The following ANO5 variants were observed in gnomAD, a reference collection of about 807,000 sequenced individuals.
ANO5 encodes anoctamin 5.
ANO5 carries 109 observed loss-of-function variants against 121.0 expected under a neutral mutation model. That is an observed-to-expected ratio of 0.90 (90% CI 0.77 to 1.06). The LOEUF is 1.06. ANO5 is among the 50% of genes least tolerant of loss of function. The pLI, the probability that ANO5 is intolerant of heterozygous loss-of-function variation, is 0.00. For synonymous variants in ANO5, 406 were observed against 359.9 expected (o/e 1.13, Z -1.45); for missense variants, 1,064 against 1,078.5 (o/e 0.99, Z 0.19).
intron 12 of ANO5, among the ~76,000 whole-genome samples, chr11:22,251,435 G>C (rs540745582): frequency 6.6e-6 from 1 of 152,246 alleles, no homozygotes; most frequent in East Asian, 1.9e-4. Flanking sequence ...TCTAGTTACA[G>C]TTACCACTTC....
chr11:22,266,196 G>C (rs1018589210), intron 17 of ANO5, among the ~76,000 whole-genome samples: 2 of 152,112 alleles, frequency 1.3e-5, no homozygotes, highest in African/African-American at 2.4e-5. Context: ...GGGGATTGAA[G>C]AATTTATAAA....
In ANO5 at chr11:22,260,198, A is replaced by C. The variant is rs545519343; in HGVS notation, c.1630+457A>C. Among the ~76,000 whole-genome samples the C allele has an allele frequency of 2.0e-5, 3 of 152,250 alleles. No individual in the cohort carries two copies. In the South Asian group the frequency reaches 6.2e-4, roughly 32 times the overall value. On this transcript the variant is annotated intron_variant, in intron 15 of 21. Transcript: ENST00000324559. Reference sequence around the variant, plus strand: ...TTTCTTTTCTACTGCTATCTCTTAGAATTTGGAATATTTTCTTGTTAAAAT... The same window carrying C: ...TTTCTTTTCTACTGCTATCTCTTAGCATTTGGAATATTTTCTTGTTAAAAT...
rs1590209518 is a variant in ANO5, at chr11:22,198,620, A to G, written c.40+5088A>G. 4.6e-5 allele frequency among the ~76,000 whole-genome samples: 7 copies of G among 152,328 alleles called. No individual in the cohort carries two copies. The East Asian group carries it at 1.3e-3, about 29-fold the overall frequency. On this transcript the variant is annotated intron_variant, in intron 1 of 21. Transcript: ENST00000324559. The stretch of plus-strand genomic sequence containing the variant: ...AGGGGCTAGTGTTTGCAGTTTTTCA[A>G]CTTTCTTTTTGTAAAAATAGAATTG...
intron 1 of ANO5, among the ~76,000 whole-genome samples, chr11:22,198,849 G>A (rs1455030124): frequency 1.3e-5 from 2 of 152,090 alleles, no homozygotes; most frequent in African/African-American, 4.8e-5. Flanking sequence ...TCTATTCACT[G>A]TAAAGCCATT....
intron 9 of ANO5, 134 bp downstream of exon 9, chr11:22,239,818 AAATT>A: frequency 1.4e-6 from 1 of 693,684 alleles, no homozygotes; most frequent in Admixed American, 2.2e-5. Flanking sequence ...TCTACACTAT[AAATT>A]AGCAATTCAT....
At chr11:22,210,306 G>T (rs1198261087) in intron 2 of ANO5, among the ~76,000 whole-genome samples, 1 of 136,600 alleles carries the variant, frequency 7.3e-6, no homozygotes, top group Admixed American at 6.8e-5. Context: ...AGAACACAGA[G>T]AAATTACTGC....
intron 1 of ANO5, among the ~76,000 whole-genome samples, chr11:22,196,307 A>G (rs1034169538): frequency 2.0e-5 from 3 of 152,052 alleles, no homozygotes; most frequent in Non-Finnish European, 4.4e-5. Context: ...TAGGAACCCA[A>G]TTCTAATGTA....
At position 22,257,708 on chromosome 11, in the gene ANO5, C is replaced by T. The variant is rs148698633; in HGVS notation, c.1361C>T (p.Thr454Met). The T allele has an allele frequency of 4.8e-5, 78 of 1,612,456 alleles. No individual in the cohort carries two copies. In the East Asian group the frequency reaches 7.6e-4, roughly 16 times the overall value. Reference protein sequence around the residue: ...KEMEPYMPLYTRIPWYFLSGA... With the variant: ...KEMEPYMPLYMRIPWYFLSGA... ...ATGGAACCTTACATGCCTCTATACA[C>T]GCGTATTCCATGGTACTTTCTTTCA... Residue 454 changes from threonine (T) to methionine (M), a missense_variant, in exon 14 of 22, where the codon ACG (threonine) becomes ATG (methionine). By Grantham distance (81) the Thr-to-Met change is moderately conservative. Transcript: ENST00000324559.
chr11:22,226,076 C>T (rs765819272), intron 6 of ANO5, 24 bp downstream of exon 6: 2 of 1,559,278 alleles, frequency 1.3e-6, no homozygotes, highest in South Asian at 1.1e-5. Context: ...ATAATTTATA[C>T]AAGCCTCTTT....
intron 20 of ANO5, 80 bp from the exon 21 acceptor site, chr11:22,276,010 GAAAT>G (rs1223309393): frequency 1.1e-6 from 1 of 933,338 alleles, no homozygotes; most frequent in African/African-American, 1.7e-5. Context: ...TCTGTTAAGA[GAAAT>G]AAGAAATTAT....
intron 17 of ANO5, 121 bp from the exon 18 acceptor site, chr11:22,270,191 C>A: frequency 1.5e-6 from 2 of 1,310,118 alleles, no homozygotes; most frequent in Non-Finnish European, 2.1e-6. Flanking sequence ...TTTCTCTTTG[C>A]TCTGTGATCT....
In ANO5 at chr11:22,218,566, T is replaced by C. The variant is rs4543996; in HGVS notation, c.180+279T>C. ...TCTCATCAGGAATGCAGGGTTTTAT[T>C]TTGTTTTGTTTTCACACAGAGTCTT... is the stretch of plus-strand genomic sequence containing the variant. On this transcript the variant is annotated intron_variant, in intron 4 of 21. Coordinates refer to ENST00000324559, the MANE Select transcript of ANO5 (RefSeq NM_213599.3). 0.69 allele frequency among the ~76,000 whole-genome samples: 104,964 copies of C among 151,858 alleles called. 37,820 individuals carry two copies. Among genetic ancestry groups the C allele is most frequent in the Non-Finnish European group, 0.81 (54,862 of 67,900 alleles).
intron 13 of ANO5, 94 bp from the exon 14 acceptor site, chr11:22,257,586 T>G: frequency 9.7e-7 from 1 of 1,032,242 alleles, no homozygotes; most frequent in South Asian, 1.3e-5. Flanking sequence ...GGGAGACTCC[T>G]ACTTTAACTG....
chr11:22,282,582 G>T lies in ANO5; in HGVS notation c.*2817G>T, dbSNP rs1409630565. 1 of 152,132 alleles carries T rather than the reference G, an allele frequency of 6.6e-6. No individual in the cohort carries two copies. The highest frequency in any genetic ancestry group is 6.5e-5 in the Admixed American group (1 of 15,282). 9.4% of individuals were successfully genotyped at this position (152,132 alleles called of 1,614,324 possible). ...CTTATGAATCCTGTGTGTTTCTTTGGAAGAAAGAGCTGTTCCGAGGAAGTT... is the reference window on the plus strand; with the variant it reads ...CTTATGAATCCTGTGTGTTTCTTTGTAAGAAAGAGCTGTTCCGAGGAAGTT... On this transcript the variant is annotated 3_prime_UTR_variant, in exon 22 of 22. Transcript: ENST00000324559.
At chr11:22,202,025 G>T (rs75135857) in intron 1 of ANO5, among the ~76,000 whole-genome samples, 1 of 152,030 alleles carries the variant, frequency 6.6e-6, no homozygotes, top group African/African-American at 2.4e-5. Context: ...ACTTAAGAGC[G>T]TGAAAGGGTG....
intron 12 of ANO5, among the ~76,000 whole-genome samples, chr11:22,252,029 CAAAAAAAAAAAAAAAA>C (rs10525160): frequency 5.0e-4 from 23 of 45,858 alleles, no homozygotes; most frequent in Middle Eastern, 0.028. Context: ...GACGCCGTCT[CAAAAAAAAAAAAAAAA>C]AAAAAAAAAA....
chr11:22,236,749 C>T (rs955368449), intron 8 of ANO5, among the ~76,000 whole-genome samples: 1 of 152,138 alleles, frequency 6.6e-6, no homozygotes, highest in African/African-American at 2.4e-5. Context: ...TGAATCCAAG[C>T]TCATAGACTA....
intron 12 of ANO5, among the ~76,000 whole-genome samples, chr11:22,252,657 TA>T (rs1853866864): frequency 6.6e-6 from 1 of 152,214 alleles, no homozygotes; most frequent in Non-Finnish European, 1.5e-5. Flanking sequence ...ATCTCATTCG[TA>T]GTCAATGGAC....
chr11:22,273,033 G>C, intron 19 of ANO5, 44 bp downstream of exon 19: 4 of 1,546,168 alleles, frequency 2.6e-6, no homozygotes, highest in Non-Finnish European at 3.6e-6. Flanking sequence ...ATTTCATTTT[G>C]GGGGGTGTGG....
Sources: allele counts gnomAD v4.1 joint callset (sites outside exome capture counted in the v4.1 genomes callset), GRCh38; gene constraint gnomAD v4.1.1; transcripts MANE v1.5; gene names NCBI Gene and HGNC (gene_info 2026-07-23, HGNC 2026-07-21).